The following MED20 variants were observed in gnomAD, a reference collection of about 807,000 sequenced individuals.
The protein encoded by MED20 is mediator complex subunit 20.
MED20 carries 19 observed loss-of-function variants against 19.7 expected under a neutral mutation model. The ratio of observed to expected loss-of-function variants is 0.96; its 90% confidence interval spans 0.67 to 1.42. The LOEUF (loss-of-function observed/expected upper bound fraction) is 1.42. MED20 is among the 40% of genes most tolerant of loss of function. MED20 has a pLI of 0.00. For synonymous variants in MED20, 105 were observed against 104.8 expected (o/e 1.00, Z -0.01); for missense variants, 225 against 273.0 (o/e 0.82, Z 1.24).
rs1466787033 is a variant in MED20, at chr6:41,907,183, A to G, written c.528T>C (p.Phe176=). 1.2e-6 allele frequency: 2 copies of G among 1,613,962 alleles called. No individual in the cohort carries two copies. The highest frequency in any genetic ancestry group is 1.7e-6 in the Non-Finnish European group (2 of 1,180,012). ...CGTAGACCGCATCATGTCTGTTCCC[A>G]AACACTGCGGGAGCCCCTGGTGTGT... The part of the protein sequence containing the change: ...GSHTPGAPAV[F]GNRHDAVYGP... The change falls in exon 4 of 4, where the codon TTT becomes TTC. Residue 176 remains phenylalanine, a synonymous_variant. Transcript: ENST00000265350.
intron 1 of MED20, chr6:41,917,804 G>A (rs1480992126): frequency 2.1e-6 from 1 of 471,374 alleles, no homozygotes; most frequent in East Asian, 6.9e-5. Flanking sequence ...CCAACTCTGT[G>A]AACTTGAGCT....
intron 2 of MED20, among the ~76,000 whole-genome samples, chr6:41,911,381 C>T (rs1775190538): frequency 6.6e-6 from 1 of 151,912 alleles, no homozygotes; most frequent in Admixed American, 6.6e-5. Flanking sequence ...GAACTCCTGA[C>T]CTCAGGTGAT....
At position 41,907,278 on chromosome 6, in the gene MED20, C is replaced by T; in HGVS notation, c.433G>A (p.Gly145Ser). Reference sequence around the variant, plus strand: ...CAGTCACTAGCTACCACACAGGGGCCATACTCCACCTGGGAACCAAAAGCA... The same window carrying T: ...CAGTCACTAGCTACCACACAGGGGCTATACTCCACCTGGGAACCAAAAGCA... The part of the protein sequence containing the change: ...ARGISVEVEY[G>S]PCVVASDCWS... Residue 145 changes from glycine (G) to serine (S), a missense_variant, in exon 4 of 4, where the codon GGC (glycine) becomes AGC (serine). Physicochemically the swap from Gly to Ser is moderately conservative, Grantham distance 56 (BLOSUM62 0). Coordinates refer to ENST00000265350, the MANE Select transcript of MED20 (RefSeq NM_004275.5). 6.2e-7 allele frequency: 1 copy of T among 1,611,816 alleles called. No individual in the cohort carries two copies. Among genetic ancestry groups the T allele is most frequent in the Non-Finnish European group, 8.5e-7 (1 of 1,178,962 alleles).
chr6:41,917,024 T>C lies in MED20; in HGVS notation c.15-85A>G, dbSNP rs1240433111. On this transcript the variant is annotated intron_variant, in intron 1 of 3. Transcript: ENST00000265350. Reference sequence around the variant, plus strand: ...ATTCACTCGCCCACAGCATCACAGCTCATCAGGGCCAAAAGTTATCTTGGA... The same window carrying C: ...ATTCACTCGCCCACAGCATCACAGCCCATCAGGGCCAAAAGTTATCTTGGA... The C allele has an allele frequency of 1.9e-5, 27 of 1,423,930 alleles. No individual in the cohort carries two copies. In the Admixed American group the frequency reaches 4.8e-4, roughly 25 times the overall value. The allele number at this position is 1,423,930 out of a possible 1,614,324, so 88.2% of individuals were successfully genotyped here.
chr6:41,920,346 G>A (rs1775427942), intron 1 of MED20, among the ~76,000 whole-genome samples: 1 of 152,110 alleles, frequency 6.6e-6, no homozygotes, highest in Non-Finnish European at 1.5e-5. Context: ...GTATTTGATG[G>A]CTGAGGGAAG....
rs1775072768 is a variant in MED20, at chr6:41,907,137, GGA to G, written c.572_573del (p.Val191AlafsTer55). 6.2e-7 allele frequency: 1 copy of G among 1,613,886 alleles called. No individual in the cohort carries two copies. On this transcript the variant is annotated frameshift_variant, in exon 4 of 4. Transcript: ENST00000265350. LOFTEE classifies it high-confidence loss of function. ...DAVYGPADTM[V>X]QYMELFNKIR... Reference sequence around the variant, plus strand: ...ATCTTGTTGAAGAGTTCCATGTACTGGACCATGGTATCTGCTGGGCCGTAGAC... The same window carrying G: ...ATCTTGTTGAAGAGTTCCATGTACTGCCATGGTATCTGCTGGGCCGTAGAC...
chr6:41,913,982 A>G (rs1030279443), intron 2 of MED20, among the ~76,000 whole-genome samples: 1 of 152,236 alleles, frequency 6.6e-6, no homozygotes, highest in Non-Finnish European at 1.5e-5. Flanking sequence ...GAGAAGTACT[A>G]TGATTATCTT....
intron 2 of MED20, among the ~76,000 whole-genome samples, chr6:41,914,746 C>T (rs1775273591): frequency 6.6e-6 from 1 of 151,956 alleles, no homozygotes; most frequent in Admixed American, 6.6e-5. Context: ...TCCTCTCTCC[C>T]TCCCAGCCAT....
chr6:41,910,535 G>A (rs763561165), intron 2 of MED20, among the ~76,000 whole-genome samples: 1 of 151,748 alleles, frequency 6.6e-6, no homozygotes, highest in Non-Finnish European at 1.5e-5. Flanking sequence ...GGGAGGCTGA[G>A]GCACGAGAAT....
At chr6:41,912,352 CTTTTTTTTTT>C (rs70987544) in intron 2 of MED20, among the ~76,000 whole-genome samples, 3 of 87,626 alleles carry the variant, frequency 3.4e-5, no homozygotes, top group Non-Finnish European at 6.2e-5. Context: ...GACCATAGTA[CTTTTTTTTTT>C]TTTTTTTTTT....
chr6:41,908,085 T>C (rs1189734569), intron 3 of MED20, among the ~76,000 whole-genome samples: 1 of 152,318 alleles, frequency 6.6e-6, no homozygotes, highest in Non-Finnish European at 1.5e-5. Flanking sequence ...CCTAGACTTA[T>C]CTATCCCCAT....
intron 2 of MED20, among the ~76,000 whole-genome samples, chr6:41,910,490 G>A (rs539880800): frequency 1.2e-4 from 18 of 151,922 alleles, no homozygotes; most frequent in African/African-American, 3.6e-4. Context: ...AAATTATCTG[G>A]GTGTGGCGGT....
intron 1 of MED20, 22 bp from the exon 2 acceptor site, chr6:41,916,961 C>T (rs1476523545): frequency 6.2e-7 from 1 of 1,613,164 alleles, no homozygotes; most frequent in Admixed American, 1.7e-5. Context: ...AGCACCAAAT[C>T]GTCAGTTATC....
rs1188312812 is a variant in MED20, at chr6:41,907,194, G to T, written c.517C>A (p.Pro173Thr). 22 of 1,613,942 alleles carry T rather than the reference G, an allele frequency of 1.4e-5. No homozygotes were observed. Among genetic ancestry groups the T allele is most frequent in the Non-Finnish European group, 1.8e-5 (21 of 1,180,034 alleles). The change falls in exon 4 of 4, where the codon CCC (proline) becomes ACC (threonine). Residue 173 changes from proline to threonine, a missense_variant. Physicochemically the swap from Pro to Thr is conservative, Grantham distance 38. Coordinates refer to ENST00000265350, the MANE Select transcript of MED20 (RefSeq NM_004275.5). ...TCATGTCTGTTCCCAAACACTGCGG[G>T]AGCCCCTGGTGTGTGGCTGCCTAGA... The part of the protein sequence containing the change: ...SFLGSHTPGA[P>T]AVFGNRHDAV...
In MED20 at chr6:41,908,286, T is replaced by C. The variant is rs191834992; in HGVS notation, c.423+983A>G. On this transcript the variant is annotated intron_variant, in intron 3 of 3. Transcript: ENST00000265350. ...AAATAAATCACAAATTTTCAAAGGG[T>C]AGACCTGCAAGCTTACTTGTTTTCT... Among the ~76,000 whole-genome samples the C allele has an allele frequency of 1.4e-4, 21 of 152,278 alleles. 1 individual carries two copies. In the East Asian group the frequency reaches 3.7e-3, roughly 27 times the overall value.
chr6:41,917,828 G>A, intron 1 of MED20: 1 of 469,490 alleles, frequency 2.1e-6, no homozygotes, highest in Non-Finnish European at 4.4e-6. Flanking sequence ...CAGCACAGTA[G>A]CCCAGAGCCA....
chr6:41,910,676 T>G (rs962261353), intron 2 of MED20, among the ~76,000 whole-genome samples: 1 of 150,516 alleles, frequency 6.6e-6, no homozygotes, highest in Non-Finnish European at 1.5e-5. Flanking sequence ...GAAAGCAAGA[T>G]TCCTCTTTCA....
chr6:41,915,747 A>G (rs1775298984), intron 2 of MED20, among the ~76,000 whole-genome samples: 2 of 150,320 alleles, frequency 1.3e-5, no homozygotes, highest in African/African-American at 4.9e-5. Context: ...AGATTGCGCC[A>G]CTGCACTCCA....
chr6:41,919,274 T>C (rs1370350829), intron 1 of MED20, among the ~76,000 whole-genome samples: 1 of 151,754 alleles, frequency 6.6e-6, no homozygotes, highest in Non-Finnish European at 1.5e-5. Flanking sequence ...TCTTAACCAC[T>C]AACTAGACTG....
Sources: allele counts gnomAD v4.1 joint callset (sites outside exome capture counted in the v4.1 genomes callset), GRCh38; gene constraint gnomAD v4.1.1; transcripts MANE v1.5; gene names NCBI Gene and HGNC (gene_info 2026-07-23, HGNC 2026-07-21).